The following WLS variants were observed in gnomAD, a reference collection of about 807,000 sequenced individuals.
The protein encoded by WLS is Wnt ligand secretion mediator.
Under a neutral mutation model 62.8 loss-of-function variants are expected in WLS, and 23 were observed. The observed-to-expected ratio is 0.37, with a 90% CI of 0.26 to 0.52. The LOEUF (loss-of-function observed/expected upper bound fraction) is 0.52, where lower values mean the gene tolerates loss of function less well. Ranked by LOEUF, WLS falls within the 20% of genes least tolerant of loss-of-function variation. WLS has a pLI of 0.92. For missense variants in WLS, 615 were observed against 697.3 expected, an observed-to-expected ratio of 0.88 and a Z score of 1.33; for synonymous variants, 246 against 244.1, an observed-to-expected ratio of 1.01 and a Z score of -0.07.
intron 2 of WLS, among the ~76,000 whole-genome samples, chr1:68,171,559 A>T (rs550464383): frequency 6.6e-6 from 1 of 152,384 alleles, no homozygotes; most frequent in Non-Finnish European, 1.5e-5. Flanking sequence ...CAAACGTGAA[A>T]AAAAGCTCAT....
At chr1:68,118,085 A>G (rs945885403) in intron 11 of WLS, among the ~76,000 whole-genome samples, 16 of 152,248 alleles carry the variant, frequency 1.1e-4, no homozygotes, top group Admixed American at 9.8e-4. Flanking sequence ...AAAAATGTAC[A>G]GGTTGACTAC....
intron 2 of WLS, among the ~76,000 whole-genome samples, chr1:68,159,826 C>T (rs1034307423): frequency 6.6e-6 from 1 of 152,200 alleles, no homozygotes; most frequent in African/African-American, 2.4e-5. Context: ...AAAATCCCTT[C>T]ATATTGTGGA....
Position 68,156,819 on chromosome 1 carries a change from G to A in WLS, c.505-1559C>T, listed in dbSNP as rs1646906532. ...TACTTTCAAATCAGGGAGGATGGGG[G>A]CTCTGCAGGTACTACTAAAAGTTCA... On this transcript the variant is annotated intron_variant, in intron 3 of 11. Transcript: ENST00000262348. Among the ~76,000 whole-genome samples the A allele has an allele frequency of 3.3e-5, 5 of 152,262 alleles. No homozygotes were observed. In the South Asian group the frequency reaches 1.0e-3, roughly 32 times the overall value.
At chr1:68,212,904 T>C (rs1168118227) in intron 1 of WLS, among the ~76,000 whole-genome samples, 1 of 152,238 alleles carries the variant, frequency 6.6e-6, no homozygotes, top group Non-Finnish European at 1.5e-5. Flanking sequence ...ACACCACAGA[T>C]GAACAGATTA....
At chr1:68,209,122 A>G (rs1649403333) in intron 1 of WLS, among the ~76,000 whole-genome samples, 1 of 151,000 alleles carries the variant, frequency 6.6e-6, no homozygotes. Context: ...TAGCATCTTC[A>G]TCCCCACTGC....
downstream of WLS, among the ~76,000 whole-genome samples, chr1:68,122,965 C>T (rs1646382499): frequency 6.6e-6 from 1 of 152,200 alleles, no homozygotes; most frequent in Non-Finnish European, 1.5e-5. Context: ...TCCTTCGATG[C>T]TAACTCATCA....
rs1323766381 is a variant in WLS at position 68,162,700 on chromosome 1, A to C, written c.380-3453T>G. On this transcript the variant is annotated intron_variant, in intron 2 of 11. Coordinates refer to ENST00000262348, the MANE Select transcript of WLS (RefSeq NM_024911.7). ...GATGGTAGAGTCCGGTGTCTCTTCC[A>C]CGGCTGCAGACGGGATATTGCACAC... 28 of 1,205,854 alleles carry C rather than the reference A, an allele frequency of 2.3e-5. No homozygotes were observed. The East Asian group carries it at 4.2e-4, about 18-fold the overall frequency. 74.7% of individuals were successfully genotyped at this position (1,205,854 alleles called of 1,614,324 possible). A position where few individuals can be genotyped will look rare whatever the true frequency, so the allele number is the denominator to read the frequency against.
At chr1:68,131,739 T>C (rs958992696) in intron 11 of WLS, among the ~76,000 whole-genome samples, 1 of 152,212 alleles carries the variant, frequency 6.6e-6, no homozygotes, top group Non-Finnish European at 1.5e-5. Context: ...AACCTCAGAA[T>C]GTGACTGTGT....
chr1:68,148,471 A>G, intron 7 of WLS, 92 bp downstream of exon 7: 1 of 1,361,258 alleles, frequency 7.3e-7, no homozygotes, highest in Non-Finnish European at 1.0e-6. Context: ...GTTCCCGACC[A>G]CCATTCTCCT....
chr1:68,182,402 G>A (rs1647636786), intron 2 of WLS, among the ~76,000 whole-genome samples: 2 of 152,220 alleles, frequency 1.3e-5, no homozygotes, highest in South Asian at 4.1e-4. Flanking sequence ...AGGAAGAGCT[G>A]TCAAGAAGTG....
intron 2 of WLS, among the ~76,000 whole-genome samples, chr1:68,187,189 C>CAAAAAAAAAAAAAACAAAAAAAA (rs1648007292): frequency 1.7e-5 from 1 of 57,194 alleles, no homozygotes; most frequent in African/African-American, 7.5e-5. Context: ...ACTCCATCTC[C>CAAAAAAAAAAAAAACAAAAAAAA]AAAAAAAAAA....
At chr1:68,098,832 C>T in intron 11 of WLS, 2 of 1,490,002 alleles carry the variant, frequency 1.3e-6, no homozygotes, top group Admixed American at 2.4e-5. Flanking sequence ...AGGACCAAGG[C>T]TCAGGTAACT....
intron 11 of WLS, among the ~76,000 whole-genome samples, chr1:68,109,583 C>T (rs963419225): frequency 6.6e-6 from 1 of 151,970 alleles, no homozygotes; most frequent in African/African-American, 2.4e-5. Context: ...TTGAAAAAGA[C>T]TTAAACATAA....
At chr1:68,185,442 G>A (rs1235529840) in intron 2 of WLS, among the ~76,000 whole-genome samples, 1 of 152,226 alleles carries the variant, frequency 6.6e-6, no homozygotes, top group Non-Finnish European at 1.5e-5. Context: ...GTACCAGTCA[G>A]TGGCCTGTTA....
intron 1 of WLS, among the ~76,000 whole-genome samples, chr1:68,221,600 G>A (rs1244598280): frequency 6.6e-6 from 1 of 152,158 alleles, no homozygotes; most frequent in Non-Finnish European, 1.5e-5. Context: ...AAAATATATG[G>A]GAACTGAGTA....
At chr1:68,147,452 G>A (rs1646767658) in intron 8 of WLS, among the ~76,000 whole-genome samples, 1 of 152,164 alleles carries the variant, frequency 6.6e-6, no homozygotes, top group Non-Finnish European at 1.5e-5. Context: ...CAAGATATGA[G>A]CCATCAAGGA....
chr1:68,160,361 C>T (rs1646956293), intron 2 of WLS, among the ~76,000 whole-genome samples: 1 of 151,938 alleles, frequency 6.6e-6, no homozygotes, highest in Non-Finnish European at 1.5e-5. Flanking sequence ...TTAAGGACGG[C>T]ATGACTTGAT....
chr1:68,108,868 A>AAT (rs562515437), intron 11 of WLS, among the ~76,000 whole-genome samples: 5 of 152,260 alleles, frequency 3.3e-5, no homozygotes, highest in African/African-American at 1.2e-4. Context: ...AAGGCCAAAA[A>AAT]ATATATATAT....
At chr1:68,228,289 G>T (rs1212635666) in intron 1 of WLS, 1 of 437,884 alleles carries the variant, frequency 2.3e-6, no homozygotes, top group African/African-American at 2.0e-5. Context: ...TATTAATCCA[G>T]TTCTGATCTT....
Sources: allele counts gnomAD v4.1 joint callset (sites outside exome capture counted in the v4.1 genomes callset), GRCh38; gene constraint gnomAD v4.1.1; transcripts MANE v1.5; gene names NCBI Gene and HGNC (gene_info 2026-07-23, HGNC 2026-07-21).